PDZRN3: variants seen among roughly 807,000 people sequenced by gnomAD.
PDZRN3 encodes PDZ domain containing ring finger 3.
In PDZRN3, 38 loss-of-function variants were observed where a neutral mutation model predicts 85.7. The observed-to-expected ratio is 0.44, with a 90% CI of 0.34 to 0.58. The LOEUF (loss-of-function observed/expected upper bound fraction) is 0.58. Among genes scored for constraint, PDZRN3 ranks in the 20% least tolerant of loss-of-function variants. PDZRN3 has a pLI of 0.01. For synonymous variants in PDZRN3, 759 were observed against 638.0 expected (o/e 1.19, Z -2.86); for missense variants, 1,629 against 1,506.4 (o/e 1.08, Z -1.35).
chr3:73,498,717 TG>T (rs1272478346), intron 3 of PDZRN3, among the ~76,000 whole-genome samples: 1 of 152,014 alleles, frequency 6.6e-6, no homozygotes, highest in Non-Finnish European at 1.5e-5. Context: ...CCTGAGTAGC[TG>T]AGATTACAGG....
chr3:73,412,188 A>T (rs1277971399), intron 3 of PDZRN3, among the ~76,000 whole-genome samples: 1 of 152,208 alleles, frequency 6.6e-6, no homozygotes, highest in Admixed American at 6.5e-5. Flanking sequence ...AAATTGAAGG[A>T]GGAAGGTGTG....
At chr3:73,393,827 C>T (rs961592693) in intron 5 of PDZRN3, among the ~76,000 whole-genome samples, 1 of 152,136 alleles carries the variant, frequency 6.6e-6, no homozygotes, top group Non-Finnish European at 1.5e-5. Flanking sequence ...TGGCCTACTA[C>T]CAAACATGTA....
At chr3:73,494,602 C>A (rs1469665253) in intron 3 of PDZRN3, among the ~76,000 whole-genome samples, 1 of 152,138 alleles carries the variant, frequency 6.6e-6, no homozygotes, top group Non-Finnish European at 1.5e-5. Context: ...AGTTTCACCG[C>A]AATTGTATAT....
chr3:73,500,562 T>C (rs1057435780), intron 3 of PDZRN3, among the ~76,000 whole-genome samples: 1 of 152,122 alleles, frequency 6.6e-6, no homozygotes. Flanking sequence ...GCCAGAATAA[T>C]CCTCTTAAAA....
At chr3:73,457,525 G>A (rs916744864) in intron 3 of PDZRN3, among the ~76,000 whole-genome samples, 1 of 152,082 alleles carries the variant, frequency 6.6e-6, no homozygotes, top group Non-Finnish European at 1.5e-5. Context: ...CATACTCCTA[G>A]GGTGCGTGCT....
chr3:73,438,661 T>C (rs1702576815), intron 3 of PDZRN3, among the ~76,000 whole-genome samples: 1 of 152,234 alleles, frequency 6.6e-6, no homozygotes, highest in Non-Finnish European at 1.5e-5. Flanking sequence ...TTCCTGGGGA[T>C]CTTTCCATCT....
chr3:73,494,124 G>C (rs1334194855), intron 3 of PDZRN3, among the ~76,000 whole-genome samples: 1 of 152,188 alleles, frequency 6.6e-6, no homozygotes, highest in Non-Finnish European at 1.5e-5. Flanking sequence ...TTTGGGCTGG[G>C]CTTCTGACAC....
rs1473878131 is a variant in PDZRN3, at chr3:73,384,639, A to C, written c.1927T>G (p.Cys643Gly). Residue 643 changes from cysteine to glycine, a missense_variant, in exon 10 of 10, where the codon TGC (cysteine) becomes GGC (glycine). By Grantham distance (159) the Cys-to-Gly change is radical. Transcript: ENST00000263666. ...TCCAGGAGCTCGCGGAAGCGCTCGC[A>C]CTCGTCCACCGGGATCCCCAGGTAG... ...ADYLGIPVDE[C>G]ERFRELLELK... 1 of 1,613,634 alleles carries C rather than the reference A, an allele frequency of 6.2e-7. No homozygotes were observed. Among genetic ancestry groups the C allele is most frequent in the East Asian group, 2.2e-5 (1 of 44,832 alleles).
At chr3:73,578,467 G>A (rs1702155137) in intron 3 of PDZRN3, among the ~76,000 whole-genome samples, 1 of 152,134 alleles carries the variant, frequency 6.6e-6, no homozygotes, top group Non-Finnish European at 1.5e-5. Flanking sequence ...ACCGCGCCCA[G>A]CCGACCATTC....
intron 3 of PDZRN3, among the ~76,000 whole-genome samples, chr3:73,481,073 T>G (rs1703551605): frequency 6.6e-6 from 1 of 152,162 alleles, no homozygotes; most frequent in African/African-American, 2.4e-5. Context: ...AATGGCAGAG[T>G]TGCAATGTGG....
At chr3:73,621,195 G>A (rs6801447) in intron 1 of PDZRN3, among the ~76,000 whole-genome samples, 104,006 of 152,068 alleles carry the variant, frequency 0.68, 35,817 homozygotes, top group African/African-American at 0.74. Context: ...TAGCTCACAT[G>A]GTAGAACAGA....
At chr3:73,566,095 A>G (rs1369693611) in intron 3 of PDZRN3, among the ~76,000 whole-genome samples, 1 of 152,212 alleles carries the variant, frequency 6.6e-6, no homozygotes, top group East Asian at 1.9e-4. Flanking sequence ...AAATTTCCAG[A>G]TGTGACATGA....
chr3:73,474,509 T>C (rs1279295313), intron 3 of PDZRN3: 2 of 1,288,252 alleles, frequency 1.6e-6, no homozygotes, highest in Admixed American at 2.3e-5. Context: ...TACTGAACAA[T>C]AAGATCATCC....
intron 3 of PDZRN3, among the ~76,000 whole-genome samples, chr3:73,465,602 C>T (rs926880415): frequency 1.3e-5 from 2 of 152,202 alleles, no homozygotes; most frequent in Non-Finnish European, 2.9e-5. Flanking sequence ...GATGAGAAAA[C>T]GGCTACCAGG....
At chr3:73,387,513 C>T (rs1312120609) in intron 8 of PDZRN3, among the ~76,000 whole-genome samples, 1 of 152,210 alleles carries the variant, frequency 6.6e-6, no homozygotes, top group Non-Finnish European at 1.5e-5. Context: ...CCACGGAGGG[C>T]CTAGCACTTA....
chr3:73,431,371 C>A (rs1449817258), intron 3 of PDZRN3, among the ~76,000 whole-genome samples: 3 of 152,176 alleles, frequency 2.0e-5, no homozygotes, highest in Non-Finnish European at 4.4e-5. Context: ...AAGAGCATCT[C>A]TTTGAATTAT....
intron 3 of PDZRN3, among the ~76,000 whole-genome samples, chr3:73,453,887 A>G (rs1483019375): frequency 6.6e-6 from 1 of 152,136 alleles, no homozygotes; most frequent in Admixed American, 6.5e-5. Flanking sequence ...CTTGTCCAAC[A>G]TCAACAGGTC....
intron 3 of PDZRN3, among the ~76,000 whole-genome samples, chr3:73,467,962 C>T (rs190088496): frequency 1.1e-3 from 170 of 152,212 alleles, no homozygotes; most frequent in African/African-American, 4.0e-3. Context: ...GAATTAGGAG[C>T]TGTCATTTAT....
intron 3 of PDZRN3, among the ~76,000 whole-genome samples, chr3:73,486,499 A>T (rs529402571): frequency 6.6e-6 from 1 of 152,226 alleles, no homozygotes; most frequent in African/African-American, 2.4e-5. Flanking sequence ...CATTTGTTCA[A>T]TGGTTACAGA....
Sources: allele counts gnomAD v4.1 joint callset (sites outside exome capture counted in the v4.1 genomes callset), GRCh38; gene constraint gnomAD v4.1.1; transcripts MANE v1.5; gene names NCBI Gene and HGNC (gene_info 2026-07-23, HGNC 2026-07-21).